BEST1: variants seen among roughly 807,000 people sequenced by gnomAD.
The protein encoded by BEST1 is bestrophin-1.
In BEST1, 58 loss-of-function variants were observed where a neutral mutation model predicts 63.3. That is an observed-to-expected ratio of 0.92 (90% CI 0.74 to 1.14). The LOEUF (loss-of-function observed/expected upper bound fraction) is 1.14. Ranked by LOEUF, BEST1 falls within the 50% of genes most tolerant of loss-of-function variation. The pLI, the probability that BEST1 is intolerant of heterozygous loss-of-function variation, is 0.00. For synonymous variants in BEST1, 283 were observed against 291.6 expected (o/e 0.97, Z 0.30); for missense variants, 671 against 740.1 (o/e 0.91, Z 1.08).
At chr11:61,964,792 C>T (rs756847190), downstream of BEST1, 10 of 1,599,860 alleles carry the variant, frequency 6.3e-6, no homozygotes, top group East Asian at 1.6e-4. Flanking sequence ...AAGCCAGATT[C>T]GGGCGCTCCC....
Position 61,951,784 on chromosome 11 carries a change from C to A in BEST1, c.-23C>A. 3 of 1,610,640 alleles carry A rather than the reference C, an allele frequency of 1.9e-6. No individual in the cohort carries two copies. Among genetic ancestry groups the A allele is most frequent in the Non-Finnish European group, 2.5e-6 (3 of 1,179,916 alleles). On this transcript the variant is annotated 5_prime_UTR_variant, in exon 2 of 11. In the 5' UTR this introduces an upstream ATG that the reference lacks. Coordinates refer to ENST00000378043, the MANE Select transcript of BEST1 (RefSeq NM_004183.4). ...CCTCTCTACCAGGACCCAAGCCCAC[C>A]TGCTGCAGCCCACTGCCTGGCCATG...
chr11:61,956,039 A>G, intron 4 of BEST1, 88 bp downstream of exon 4: 6 of 1,304,306 alleles, frequency 4.6e-6, no homozygotes, highest in Non-Finnish European at 5.2e-6. Context: ...GTGGAGCCAA[A>G]GTCCCCCGGA....
In BEST1 at chr11:61,955,971, C is replaced by A. The variant is rs530569772; in HGVS notation, c.481+20C>A. ...AAGCAGGTGGGCGGACCGGGAGCAA[C>A]GGGGAGGCACCGGGCAGAGCCAGGG... is the stretch of plus-strand genomic sequence containing the variant. On this transcript the variant is annotated intron_variant, in intron 4 of 10. Transcript: ENST00000378043. The A allele has an allele frequency of 1.3e-6, 2 of 1,541,326 alleles. No homozygotes were observed. Among genetic ancestry groups the A allele is most frequent in the Admixed American group, 3.9e-5 (2 of 50,804 alleles).
At chr11:61,959,380 G>A in intron 7 of BEST1, 118 bp from the exon 8 acceptor site, 1 of 963,230 alleles carries the variant, frequency 1.0e-6, no homozygotes, top group Admixed American at 2.0e-5. Context: ...TTTGAAGACA[G>A]TGGTCAGGCA....
downstream of BEST1, chr11:61,965,414 C>T (rs1942430389): frequency 6.2e-7 from 1 of 1,613,640 alleles, no homozygotes. Flanking sequence ...GGTTCTGCAG[C>T]TTCATCAGTT....
rs574089424 is a variant in BEST1 at position 61,957,044 on chromosome 11, G to T, written c.636+46G>T. 4.3e-6 allele frequency: 7 copies of T among 1,612,658 alleles called. No homozygotes were observed. In the African/African-American group the frequency reaches 8.0e-5, roughly 18 times the overall value. Reference sequence around the variant, plus strand: ...GGGCTGCCGCAGAGTGGGAAGGGCTGTGGTCCACAGGAAACAAGGTTTCCT... The same window carrying T: ...GGGCTGCCGCAGAGTGGGAAGGGCTTTGGTCCACAGGAAACAAGGTTTCCT... On this transcript the variant is annotated intron_variant, in intron 5 of 10. Coordinates refer to ENST00000378043, the MANE Select transcript of BEST1 (RefSeq NM_004183.4).
At position 61,962,848 on chromosome 11, in the gene BEST1, C is replaced by A. The variant is rs1350896185; in HGVS notation, c.1694C>A (p.Thr565Asn). The A allele has an allele frequency of 1.9e-6, 3 of 1,614,080 alleles. No homozygotes were observed. The highest frequency in any genetic ancestry group is 1.3e-5 in the African/African-American group (1 of 74,922). The change falls in exon 10 of 11, where the codon ACT (threonine) becomes AAT (asparagine). Residue 565 changes from threonine (T) to asparagine (N), a missense_variant. Transcript: ENST00000378043. ...GAACAATCACCAACCAACATACACA[C>A]TACACTCAAAGATCACATGGATCCT... ...PLEQSPTNIH[T>N]TLKDHMDPYW... is the part of the protein sequence containing the mutation.
chr11:61,956,816 C>T (rs1272505495), intron 4 of BEST1, 28 bp from the exon 5 acceptor site: 1 of 1,613,774 alleles, frequency 6.2e-7, no homozygotes, highest in Non-Finnish European at 8.5e-7. Flanking sequence ...GTTCTCCCAC[C>T]CACCGCCTTC....
chr11:61,963,287 G>T, intron 10 of BEST1: 1 of 1,368,932 alleles, frequency 7.3e-7, no homozygotes, highest in Non-Finnish European at 9.4e-7. Flanking sequence ...GCAGTCAGCT[G>T]GATGACAGAT....
rs200389888 is a variant in BEST1, at chr11:61,952,633, A to AT, written c.152+688dup. On this transcript the variant is annotated intron_variant, in intron 2 of 10. Coordinates refer to ENST00000378043, the MANE Select transcript of BEST1 (RefSeq NM_004183.4). ...AGGCACACACCACCACGCCTGGCTA[A>AT]TTTTTTTTTTTTTCTGTATTTTTAG... 7.9e-3 allele frequency among the ~76,000 whole-genome samples: 1,139 copies of AT among 143,764 alleles called. 5 individuals are homozygous for AT. Among genetic ancestry groups the AT allele is most frequent in the Non-Finnish European group, 0.014 (886 of 65,512 alleles). 94.3% of individuals were successfully genotyped at this position (143,764 alleles called of 152,430 possible).
Position 61,962,323 on chromosome 11 carries a change from T to C in BEST1, c.1169T>C (p.Ile390Thr), listed in dbSNP as rs375618932. Residue 390 changes from isoleucine to threonine, a missense_variant, in exon 10 of 11, where the codon ATT (isoleucine) becomes ACT (threonine). By Grantham distance (89) the Ile-to-Thr change is moderately conservative (BLOSUM62 -1). Transcript: ENST00000378043. ...GAGGAGGATGCTCACGCTGGCATCATTGGCCGCTTCCTAGGCCTGCAGTCC... is the reference window on the plus strand; with the variant it reads ...GAGGAGGATGCTCACGCTGGCATCACTGGCCGCTTCCTAGGCCTGCAGTCC... ...EDEEDAHAGI[I>T]GRFLGLQSHD... is the part of the protein sequence containing the mutation. The C allele has an allele frequency of 3.5e-5, 57 of 1,614,194 alleles. No homozygotes were observed. The highest frequency in any genetic ancestry group is 2.7e-4 in the East Asian group (12 of 44,880).
intron 2 of BEST1, chr11:61,954,786 C>A: frequency 1.0e-6 from 1 of 984,368 alleles, no homozygotes; most frequent in Non-Finnish European, 1.2e-6. Context: ...AAACAACTGA[C>A]CCTTGGCTGC....
chr11:61,956,522 G>A (rs1318118233), intron 4 of BEST1, among the ~76,000 whole-genome samples: 7 of 152,036 alleles, frequency 4.6e-5, no homozygotes, highest in Non-Finnish European at 7.4e-5. Flanking sequence ...GCATGGTGGC[G>A]TGTGCCTGCA....
At chr11:61,964,072 A>G in intron 10 of BEST1, 32 bp from the exon 11 acceptor site, 2 of 1,613,438 alleles carry the variant, frequency 1.2e-6, no homozygotes, top group Non-Finnish European at 1.7e-6. Flanking sequence ...GACCTTCCAT[A>G]CTTATGCTGT....
chr11:61,958,088 TC>T, intron 6 of BEST1, 57 bp from the exon 7 acceptor site: 1 of 1,611,372 alleles, frequency 6.2e-7, no homozygotes, highest in Non-Finnish European at 8.5e-7. Flanking sequence ...CCCTGGAGCA[TC>T]CTGATTTCAG....
At chr11:61,952,459 CTTTTT>C (rs34404535) in intron 2 of BEST1, among the ~76,000 whole-genome samples, 3 of 78,162 alleles carry the variant, frequency 3.8e-5, no homozygotes, top group Admixed American at 1.5e-4. Flanking sequence ...CCACATGGTA[CTTTTT>C]TTTTTTTTTT....
chr11:61,959,792 G>A, intron 8 of BEST1, 100 bp from the exon 9 acceptor site: 1 of 1,526,970 alleles, frequency 6.5e-7, no homozygotes, highest in Non-Finnish European at 8.9e-7. Flanking sequence ...GGGAAACTGA[G>A]GTCCAGAGAG....
chr11:61,955,661 C>T lies in BEST1; in HGVS notation c.248-57C>T, dbSNP rs1941234684. The T allele has an allele frequency of 3.3e-6, 5 of 1,515,718 alleles. No homozygotes were observed. The South Asian group carries it at 6.0e-5, about 18-fold the overall frequency. The allele number at this position is 1,515,718 out of a possible 1,614,324, so 93.9% of individuals were successfully genotyped here. A position where few individuals can be genotyped will look rare whatever the true frequency, so the allele number is the denominator to read the frequency against. Reference sequence around the variant, plus strand: ...CCGAGGCATCGCCGGGCGCTGGGCCCTGGGCTCTGGCCGCAGCCTGGCCCC... The same window carrying T: ...CCGAGGCATCGCCGGGCGCTGGGCCTTGGGCTCTGGCCGCAGCCTGGCCCC... On this transcript the variant is annotated intron_variant, in intron 3 of 10. Coordinates refer to ENST00000378043, the MANE Select transcript of BEST1 (RefSeq NM_004183.4).
At chr11:61,951,564 C>T (rs1235419276) in intron 1 of BEST1, among the ~76,000 whole-genome samples, 1 of 152,196 alleles carries the variant, frequency 6.6e-6, no homozygotes, top group Non-Finnish European at 1.5e-5. Flanking sequence ...GTCTTCCCTG[C>T]CAAAGCAAAG....
Sources: allele counts gnomAD v4.1 joint callset (sites outside exome capture counted in the v4.1 genomes callset), GRCh38; gene constraint gnomAD v4.1.1; transcripts MANE v1.5; gene names NCBI Gene and HGNC (gene_info 2026-07-23, HGNC 2026-07-21).